CDNF: variants seen among roughly 807,000 people sequenced by gnomAD.
The protein encoded by CDNF is ARMET-like protein 1.
Under a neutral mutation model 14.8 loss-of-function variants are expected in CDNF, and 9 were observed. That is an observed-to-expected ratio of 0.61 (90% CI 0.37 to 1.06). The LOEUF (loss-of-function observed/expected upper bound fraction) is 1.06. Ranked by LOEUF, CDNF falls within the 50% of genes least tolerant of loss-of-function variation. The pLI, the probability that CDNF is intolerant of heterozygous loss-of-function variation, is 0.01. For synonymous variants in CDNF, 86 were observed against 87.2 expected, an observed-to-expected ratio of 0.99 and a Z score of 0.07; for missense variants, 228 against 228.4, an observed-to-expected ratio of 1.00 and a Z score of 0.01.
rs1833907959 is a variant in CDNF at position 14,837,860 on chromosome 10, G to A, written c.87C>T (p.Ala29=). 3 of 1,601,656 alleles carry A rather than the reference G, an allele frequency of 1.9e-6. No individual in the cohort carries two copies. The highest frequency in any genetic ancestry group is 2.6e-6 in the Non-Finnish European group (3 of 1,176,450). The change falls in exon 1 of 4, where the codon GCC becomes GCT. Residue 29 remains alanine, a synonymous_variant. Transcript: ENST00000465530. ...SHPVLTQGQE[A]GGRPGADCEV... is the part of the protein sequence containing the mutation. ...CACAGTCGGCCCCTGGCCGCCCCCC[G>A]GCCTCCTGGCCCTGCGTCAGCACCG...
At chr10:14,824,334 G>C (rs1402897675) in intron 3 of CDNF, among the ~76,000 whole-genome samples, 4 of 152,174 alleles carry the variant, frequency 2.6e-5, no homozygotes, top group East Asian at 1.9e-4. Context: ...GGCCGGGCAT[G>C]GTGGCTTACG....
intron 2 of CDNF, among the ~76,000 whole-genome samples, chr10:14,826,094 G>GC (rs1247207392): frequency 5.2e-4 from 67 of 128,586 alleles, no homozygotes; most frequent in South Asian, 1.6e-3. Flanking sequence ...AGAAGAAGAA[G>GC]AAGCAGCAGC....
chr10:14,831,860 C>A (rs937219502), intron 1 of CDNF, among the ~76,000 whole-genome samples: 2 of 152,184 alleles, frequency 1.3e-5, no homozygotes, highest in Non-Finnish European at 2.9e-5. Flanking sequence ...AGGTGTGAGC[C>A]ACCGTGCCTA....
rs979887311 is a variant in CDNF at position 14,837,974 on chromosome 10, G to A, written c.-28C>T. 1.2e-5 allele frequency: 18 copies of A among 1,517,442 alleles called. No homozygotes were observed. In the African/African-American group the frequency reaches 1.8e-4, roughly 15 times the overall value. The allele number at this position is 1,517,442 out of a possible 1,614,324, so 94.0% of individuals were successfully genotyped here. A position where few individuals can be genotyped will look rare whatever the true frequency, so the allele number is the denominator to read the frequency against. ...TGGGCCAGCAGCTTCAATCGCCTCCGCCACCCGCGCCCACCGCCCACCAAG... is the reference window on the plus strand; with the variant it reads ...TGGGCCAGCAGCTTCAATCGCCTCCACCACCCGCGCCCACCGCCCACCAAG... On this transcript the variant is annotated 5_prime_UTR_variant, in exon 1 of 4. Coordinates refer to ENST00000465530, the MANE Select transcript of CDNF (RefSeq NM_001029954.3).
At chr10:14,833,328 C>A (rs941055014) in intron 1 of CDNF, among the ~76,000 whole-genome samples, 1 of 152,102 alleles carries the variant, frequency 6.6e-6, no homozygotes, top group African/African-American at 2.4e-5. Flanking sequence ...CTGCACAGAA[C>A]AAAATAGACC....
At chr10:14,836,078 C>T (rs1027503325) in intron 1 of CDNF, among the ~76,000 whole-genome samples, 7 of 152,112 alleles carry the variant, frequency 4.6e-5, no homozygotes, top group African/African-American at 9.7e-5. Flanking sequence ...AGGTCCGAGA[C>T]GGCTCAGGAA....
At chr10:14,826,019 G>T (rs377456595) in intron 2 of CDNF, among the ~76,000 whole-genome samples, 49 of 127,048 alleles carry the variant, frequency 3.9e-4, no homozygotes, top group East Asian at 2.3e-3. Context: ...AGAAGCAGAA[G>T]AAGAAGAAGG....
chr10:14,831,543 C>CATAT (rs200375518), intron 1 of CDNF, among the ~76,000 whole-genome samples: 1 of 146,126 alleles, frequency 6.8e-6, no homozygotes, highest in African/African-American at 2.5e-5. Context: ...ATATATAATA[C>CATAT]ATATATACAC....
chr10:14,837,612 T>C (rs1833903830), intron 1 of CDNF, among the ~76,000 whole-genome samples: 1 of 152,212 alleles, frequency 6.6e-6, no homozygotes, highest in Admixed American at 6.5e-5. Flanking sequence ...CTGCTGAAGT[T>C]TAATATTCAC....
rs182992692 is a variant in CDNF, at chr10:14,833,969, T to C, written c.115+3863A>G. Among the ~76,000 whole-genome samples, 165 of 152,334 alleles carry C rather than the reference T, an allele frequency of 1.1e-3. 3 individuals carry two copies. In the East Asian group the frequency reaches 0.025, roughly 23 times the overall value. On this transcript the variant is annotated intron_variant, in intron 1 of 3. Transcript: ENST00000465530. ...AATGAGATCCCTCTCAACATGTATT[T>C]TGCTGAGTTTAATTAGCAAATATAT...
Position 14,828,264 on chromosome 10 carries a change from C to A in CDNF, c.124G>T (p.Glu42Ter). The part of the protein sequence containing the change: ...RPGADCEVCK[E>*]FLNRFYKSLI... ...GACTTGTAGAATCGGTTCAAGAATT[C>A]TTTACATACTGGAAGGAACAAATAA... The change falls in exon 2 of 4, where the codon GAA becomes TAA. Residue 42 changes from glutamate to a stop codon, truncating the protein, a stop_gained. Coordinates refer to ENST00000465530, the MANE Select transcript of CDNF (RefSeq NM_001029954.3). LOFTEE classifies it high-confidence loss of function. The A allele has an allele frequency of 6.2e-7, 1 of 1,613,652 alleles. No individual in the cohort carries two copies. The highest frequency in any genetic ancestry group is 8.5e-7 in the Non-Finnish European group (1 of 1,179,706).
intron 1 of CDNF, among the ~76,000 whole-genome samples, chr10:14,836,956 CAACAA>C (rs985420082): frequency 5.3e-5 from 8 of 152,086 alleles, no homozygotes; most frequent in African/African-American, 1.7e-4. Context: ...AAAAACAAAA[CAACAA>C]AACAAACAAA....
At chr10:14,832,051 A>G (rs1441949442) in intron 1 of CDNF, among the ~76,000 whole-genome samples, 1 of 152,252 alleles carries the variant, frequency 6.6e-6, no homozygotes, top group African/African-American at 2.4e-5. Context: ...TACATCCGAT[A>G]GAAGTAAAGG....
intron 1 of CDNF, among the ~76,000 whole-genome samples, chr10:14,830,508 A>C (rs990042534): frequency 1.2e-4 from 18 of 151,798 alleles, no homozygotes; most frequent in African/African-American, 4.4e-4. Context: ...TAACTGTATG[A>C]ATTCTTTGAG....
intron 1 of CDNF, among the ~76,000 whole-genome samples, chr10:14,835,545 T>C (rs1343578190): frequency 6.6e-6 from 1 of 152,198 alleles, no homozygotes; most frequent in Non-Finnish European, 1.5e-5. Flanking sequence ...CCTAACAAAT[T>C]AGTAGCTTCT....
At chr10:14,834,360 A>G (rs949319664) in intron 1 of CDNF, 9 of 151,966 alleles carry the variant, frequency 5.9e-5, no homozygotes, top group African/African-American at 2.2e-4. Context: ...AAGAAAAAAG[A>G]AAAAGAAACT....
At chr10:14,837,693 G>A (rs953442362) in intron 1 of CDNF, 139 bp downstream of exon 1, 3 of 598,296 alleles carry the variant, frequency 5.0e-6, no homozygotes, top group Non-Finnish European at 8.8e-6. Flanking sequence ...CTGGGCTTGG[G>A]CGATCTAAAA....
At chr10:14,820,283 A>G in intron 3 of CDNF, 125 bp from the exon 4 acceptor site, 2 of 935,136 alleles carry the variant, frequency 2.1e-6, no homozygotes, top group East Asian at 2.6e-5. Context: ...AAGGCAGGGA[A>G]GAATTCCAGT....
At chr10:14,829,604 T>A (rs1425384082) in intron 1 of CDNF, among the ~76,000 whole-genome samples, 1 of 151,964 alleles carries the variant, frequency 6.6e-6, no homozygotes, top group Non-Finnish European at 1.5e-5. Context: ...AATTTCAATA[T>A]CTGAAGTCTT....
Sources: gnomAD v4.1 joint callset for allele counts (sites outside exome capture counted in the v4.1 genomes callset) on GRCh38, gnomAD v4.1.1 for gene constraint, MANE v1.5 for transcripts, NCBI Gene and HGNC (gene_info 2026-07-23, HGNC 2026-07-21) for gene names.